Variants in CDC14B observed in about 807,000 individuals in gnomAD.
CDC14B encodes the protein dual specificity protein phosphatase CDC14B.
CDC14B carries 22 observed loss-of-function variants against 64.2 expected under a neutral mutation model. That is an observed-to-expected ratio of 0.34 (90% CI 0.24 to 0.49). The LOEUF (loss-of-function observed/expected upper bound fraction) is 0.49. Ranked by LOEUF, CDC14B falls within the 20% of genes least tolerant of loss-of-function variation. The probability of loss-of-function intolerance (pLI) is 0.99; values close to 1 mark genes in which losing one functional copy is unlikely to be tolerated. For missense variants in CDC14B, 498 were observed against 629.9 expected (o/e 0.79, Z 2.24); for synonymous variants, 191 against 215.8 (o/e 0.89, Z 1.01).
chr9:96,537,736 T>C (rs766500938), intron 7 of CDC14B, among the ~76,000 whole-genome samples: 7 of 152,192 alleles, frequency 4.6e-5, no homozygotes, highest in Admixed American at 3.3e-4. Context: ...TTTTCCCTTT[T>C]TTTTGAGACA....
chr9:96,601,711 T>G (rs1282812952), intron 1 of CDC14B, among the ~76,000 whole-genome samples: 1 of 149,636 alleles, frequency 6.7e-6, no homozygotes, highest in African/African-American at 2.5e-5. Flanking sequence ...GAGAATCACT[T>G]GAACCCAGGA....
At chr9:96,514,033 C>G (rs956697966) in intron 12 of CDC14B, among the ~76,000 whole-genome samples, 2 of 152,204 alleles carry the variant, frequency 1.3e-5, no homozygotes, top group African/African-American at 4.8e-5. Flanking sequence ...CTGATTAACA[C>G]CACTGTAACT....
At chr9:96,569,205 C>T (rs1844329554) in intron 1 of CDC14B, among the ~76,000 whole-genome samples, 1 of 152,152 alleles carries the variant, frequency 6.6e-6, no homozygotes, top group African/African-American at 2.4e-5. Flanking sequence ...AACTTGCAGG[C>T]TAACAGTGTT....
chr9:96,581,359 C>T (rs1845139280), intron 1 of CDC14B, among the ~76,000 whole-genome samples: 1 of 152,000 alleles, frequency 6.6e-6, no homozygotes. Context: ...GTCCCAGCTA[C>T]TTGGGAGGCT....
intron 1 of CDC14B, among the ~76,000 whole-genome samples, chr9:96,616,877 C>T (rs1341958396): frequency 6.6e-6 from 1 of 152,132 alleles, no homozygotes; most frequent in Non-Finnish European, 1.5e-5. Context: ...AAGCCTTCCC[C>T]CAAAAGCCCA....
chr9:96,568,654 G>A (rs1190630415), intron 1 of CDC14B, among the ~76,000 whole-genome samples: 1 of 152,180 alleles, frequency 6.6e-6, no homozygotes, highest in Non-Finnish European at 1.5e-5. Flanking sequence ...GGCGGCTCAT[G>A]CCTGTAATCA....
chr9:96,545,912 C>G (rs1368736611), intron 5 of CDC14B, among the ~76,000 whole-genome samples: 1 of 152,194 alleles, frequency 6.6e-6, no homozygotes, highest in Non-Finnish European at 1.5e-5. Flanking sequence ...ATCTTCCTCC[C>G]ACCTTGCATT....
chr9:96,538,684 C>T (rs56397840), intron 7 of CDC14B: 1 of 180,364 alleles, frequency 5.5e-6, no homozygotes, highest in African/African-American at 2.4e-5. Flanking sequence ...ATGTATACCA[C>T]TGCACTTCAG....
chr9:96,615,131 G>A (rs1786506298), intron 1 of CDC14B, among the ~76,000 whole-genome samples: 1 of 152,142 alleles, frequency 6.6e-6, no homozygotes, highest in South Asian at 2.1e-4. Context: ...GTGAGACACT[G>A]TGCCCGGCCT....
intron 5 of CDC14B, among the ~76,000 whole-genome samples, chr9:96,545,410 T>C (rs1335284036): frequency 6.6e-6 from 1 of 151,212 alleles, no homozygotes; most frequent in Non-Finnish European, 1.5e-5. Flanking sequence ...CTCCACCTCC[T>C]GGGTTCACAA....
intron 13 of CDC14B, among the ~76,000 whole-genome samples, chr9:96,506,128 G>C (rs532309455): frequency 1.3e-5 from 2 of 152,300 alleles, no homozygotes; most frequent in East Asian, 3.9e-4. Flanking sequence ...CAAACCAGTA[G>C]GAACTGGTAA....
At chr9:96,593,486 C>CAA (rs1216525397) in intron 1 of CDC14B, among the ~76,000 whole-genome samples, 68 of 52,526 alleles carry the variant, frequency 1.3e-3, no homozygotes, top group African/African-American at 4.1e-3. Context: ...GACTTGGTCT[C>CAA]AAAAAAAAAA....
chr9:96,510,608 CTTT>C (rs879292814), intron 12 of CDC14B, among the ~76,000 whole-genome samples: 4 of 138,542 alleles, frequency 2.9e-5, no homozygotes, highest in Admixed American at 7.3e-5. Flanking sequence ...ATATGCAATT[CTTT>C]TTTTTTTTTT....
At chr9:96,587,567 T>C (rs1416950609) in intron 1 of CDC14B, among the ~76,000 whole-genome samples, 1 of 152,242 alleles carries the variant, frequency 6.6e-6, no homozygotes, top group African/African-American at 2.4e-5. Flanking sequence ...ACTCAGCTAA[T>C]GCCTGTTTCA....
chr9:96,527,128 G>C (rs553562512), intron 9 of CDC14B, among the ~76,000 whole-genome samples: 1 of 152,242 alleles, frequency 6.6e-6, no homozygotes, highest in South Asian at 2.1e-4. Flanking sequence ...TATTGGGGCC[G>C]GGTGCGGTGG....
At chr9:96,494,482 T>C (rs1442777393) in intron 13 of CDC14B, among the ~76,000 whole-genome samples, 1 of 152,230 alleles carries the variant, frequency 6.6e-6, no homozygotes, top group Admixed American at 6.5e-5. Flanking sequence ...CCTAAAGGCC[T>C]AGCGGCTCCT....
At position 96,515,664 on chromosome 9, in the gene CDC14B, G is replaced by A. The variant is rs1379201119; in HGVS notation, c.1344-5875C>T. On this transcript the variant is annotated intron_variant, in intron 12 of 13. Transcript: ENST00000375241. The surrounding 1 kb of genome is among the most constrained non-coding windows in gnomAD (Gnocchi z 4.3). ...GGACACTTACAGCAGCTATCTGTCAGGGGGTCCTGATGGCTACTGTGTTCT... is the reference window on the plus strand; with the variant it reads ...GGACACTTACAGCAGCTATCTGTCAAGGGGTCCTGATGGCTACTGTGTTCT... 1.9e-6 allele frequency: 3 copies of A among 1,581,022 alleles called. No homozygotes were observed. The African/African-American group carries it at 4.0e-5, about 21-fold the overall frequency.
intron 5 of CDC14B, among the ~76,000 whole-genome samples, chr9:96,547,507 C>T (rs1564304646): frequency 6.6e-6 from 1 of 151,826 alleles, no homozygotes; most frequent in Non-Finnish European, 1.5e-5. Flanking sequence ...GTTGTGCAGG[C>T]TGAGTGCAGT....
intron 4 of CDC14B, chr9:96,562,459 C>A: frequency 2.3e-6 from 1 of 438,200 alleles, no homozygotes; most frequent in Non-Finnish European, 4.1e-6. Flanking sequence ...GGCTTTTTTC[C>A]CGAGCAGTTT....
Sources: gnomAD v4.1 joint callset for allele counts (sites outside exome capture counted in the v4.1 genomes callset) on GRCh38, gnomAD v4.1.1 for gene constraint, Gnocchi (gnomAD v3.1) non-coding constraint, MANE v1.5 for transcripts, NCBI Gene and HGNC (gene_info 2026-07-23, HGNC 2026-07-21) for gene names.